SUMF1: variants seen among roughly 807,000 people sequenced by gnomAD.
The protein encoded by SUMF1 is formylglycine-generating enzyme.
Under a neutral mutation model 47.6 loss-of-function variants are expected in SUMF1, and 48 were observed. The observed-to-expected ratio is 1.01, with a 90% CI of 0.80 to 1.28. The LOEUF is 1.28. Among genes scored for constraint, SUMF1 ranks in the 50% most tolerant of loss-of-function variants. The probability of loss-of-function intolerance (pLI) is 0.00; values close to 1 mark genes in which losing one functional copy is unlikely to be tolerated. For synonymous variants in SUMF1, 230 were observed against 192.1 expected, an observed-to-expected ratio of 1.20 and a Z score of -1.63; for missense variants, 571 against 485.4, an observed-to-expected ratio of 1.18 and a Z score of -1.66.
At chr3:4,441,409 A>G (rs1402671841) in intron 3 of SUMF1, among the ~76,000 whole-genome samples, 1 of 152,188 alleles carries the variant, frequency 6.6e-6, no homozygotes, top group Non-Finnish European at 1.5e-5. Context: ...TTGCAATGTA[A>G]TAATAATATA....
intron 8 of SUMF1, among the ~76,000 whole-genome samples, chr3:4,353,629 T>A (rs1699556607): frequency 6.6e-6 from 1 of 152,146 alleles, no homozygotes; most frequent in Non-Finnish European, 1.5e-5. Context: ...TCTAGAAAAC[T>A]CTACTGTATA....
rs186592238 is a variant in SUMF1 at position 4,458,811 on chromosome 3, G to A, written c.271-5762C>T. On this transcript the variant is annotated intron_variant, in intron 1 of 8. Transcript: ENST00000272902. ...GCGGAGCTTGCAGCGAGCCGAGATG[G>A]AGCCACTGCACTCCAGCCTGGGCAA... Among the ~76,000 whole-genome samples the A allele has an allele frequency of 5.5e-3, 834 of 152,234 alleles. 9 individuals carry two copies. The highest frequency in any genetic ancestry group is 0.019 in the African/African-American group (784 of 41,526).
chr3:4,281,156 C>A (rs951280251), intron 8 of SUMF1, among the ~76,000 whole-genome samples: 5 of 152,032 alleles, frequency 3.3e-5, no homozygotes, highest in African/African-American at 1.2e-4. Flanking sequence ...ATAAGAAGAG[C>A]ATGGTGAAGA....
chr3:4,254,702 C>T (rs1157246808), intron 8 of SUMF1, among the ~76,000 whole-genome samples: 1 of 149,682 alleles, frequency 6.7e-6, no homozygotes, highest in South Asian at 2.2e-4. Flanking sequence ...AGGAAATTAT[C>T]CAGGAGAACT....
intron 8 of SUMF1, among the ~76,000 whole-genome samples, chr3:4,348,710 CAA>C (rs776215852): frequency 1.1e-4 from 15 of 132,866 alleles, no homozygotes; most frequent in African/African-American, 2.4e-4. Flanking sequence ...ACTAAAAATA[CAA>C]AAAAAAAAAA....
intron 8 of SUMF1, among the ~76,000 whole-genome samples, chr3:4,246,834 G>C (rs1489087139): frequency 6.6e-6 from 1 of 152,026 alleles, no homozygotes; most frequent in Admixed American, 6.6e-5. Flanking sequence ...ATGAGAATAA[G>C]GGCAAATACA....
intron 8 of SUMF1, among the ~76,000 whole-genome samples, chr3:4,353,657 AAAC>A (rs1311042599): frequency 1.3e-5 from 2 of 152,152 alleles, no homozygotes; most frequent in African/African-American, 4.8e-5. Context: ...ATAATTTAAA[AAAC>A]AAACAACATC....
Position 4,467,068 on chromosome 3 carries a change from C to T in SUMF1, c.178G>A (p.Ala60Thr). 1 of 1,565,290 alleles carries T rather than the reference C, an allele frequency of 6.4e-7. No homozygotes were observed. The highest frequency in any genetic ancestry group is 8.6e-7 in the Non-Finnish European group (1 of 1,156,352). Reference protein sequence around the residue: ...CGCGTPQRPGAHGSSAAAHRY... With the variant: ...CGCGTPQRPGTHGSSAAAHRY... ...TGAGCGGCTGCCGAACTGCCATGGG[C>T]GCCAGGCCGCTGGGGCGTGCCGCAG... The change falls in exon 1 of 9, where the codon GCC becomes ACC. Residue 60 changes from alanine to threonine, a missense_variant. Ala to Thr is a moderately conservative substitution (Grantham distance 58). Transcript: ENST00000272902.
intron 8 of SUMF1, among the ~76,000 whole-genome samples, chr3:4,367,569 T>A (rs942627932): frequency 1.1e-4 from 16 of 151,866 alleles, no homozygotes; most frequent in Non-Finnish European, 2.1e-4. Context: ...GGCATCACAC[T>A]ACCTGACTTC....
rs151229783 is a variant in SUMF1 at position 4,073,931 on chromosome 3, G to A, written c.1015-5186C>T. Among the ~76,000 whole-genome samples the A allele has an allele frequency of 2.9e-3, 446 of 152,198 alleles. 3 individuals carry two copies. The highest frequency in any genetic ancestry group is 0.01 in the African/African-American group (435 of 41,510). ...CACTGTCAATATTAGACAGATCAAGGAGACAGAAAATTAACAAGGATATCC... is the reference window on the plus strand; with the variant it reads ...CACTGTCAATATTAGACAGATCAAGAAGACAGAAAATTAACAAGGATATCC... On this transcript the variant is annotated intron_variant and NMD_transcript_variant, in intron 8 of 12. Coordinates refer to the SUMF1 transcript ENST00000448413.
chr3:4,183,013 T>A (rs1012737284), intron 8 of SUMF1, among the ~76,000 whole-genome samples: 1 of 152,136 alleles, frequency 6.6e-6, no homozygotes. Context: ...GGGTTTAATG[T>A]GTGACCATAT....
chr3:4,452,737 A>T (rs761511636), intron 2 of SUMF1, 139 bp downstream of exon 2: 42 of 1,073,362 alleles, frequency 3.9e-5, no homozygotes, highest in Non-Finnish European at 5.2e-5. Flanking sequence ...AATTAAGATG[A>T]AATATATACA....
At chr3:4,198,237 T>C (rs1695472141) in intron 8 of SUMF1, among the ~76,000 whole-genome samples, 1 of 152,114 alleles carries the variant, frequency 6.6e-6, no homozygotes, top group Non-Finnish European at 1.5e-5. Context: ...TCTCTTGTTA[T>C]ACCTCCTATG....
At chr3:4,392,374 T>C (rs563597738) in intron 7 of SUMF1, among the ~76,000 whole-genome samples, 10 of 152,172 alleles carry the variant, frequency 6.6e-5, no homozygotes, top group African/African-American at 2.4e-4. Flanking sequence ...ATAATAGCTA[T>C]TTTTAAGTCT....
chr3:4,144,878 G>T (rs1480287645), intron 8 of SUMF1, among the ~76,000 whole-genome samples: 1 of 152,112 alleles, frequency 6.6e-6, no homozygotes, highest in Non-Finnish European at 1.5e-5. Context: ...ACAAACCACA[G>T]AATTATTCTT....
intron 3 of SUMF1, among the ~76,000 whole-genome samples, chr3:4,422,488 G>T (rs1378628182): frequency 1.3e-5 from 2 of 148,678 alleles, no homozygotes; most frequent in African/African-American, 5.0e-5. Context: ...CATCATTAGT[G>T]ATTTAAAAAA....
intron 8 of SUMF1, among the ~76,000 whole-genome samples, chr3:4,367,381 G>C (rs13091278): frequency 6.6e-6 from 1 of 152,056 alleles, no homozygotes; most frequent in Admixed American, 6.5e-5. Context: ...CACCCATTTC[G>C]AGCTTCCCAG....
At chr3:4,282,134 C>G (rs1432022686) in intron 8 of SUMF1, among the ~76,000 whole-genome samples, 2 of 152,096 alleles carry the variant, frequency 1.3e-5, no homozygotes, top group African/African-American at 4.8e-5. Context: ...GTTGAAAAGA[C>G]AGTTAAATCC....
intron 8 of SUMF1, among the ~76,000 whole-genome samples, chr3:4,225,489 A>G (rs1696154004): frequency 6.6e-6 from 1 of 152,282 alleles, no homozygotes; most frequent in South Asian, 2.1e-4. Context: ...ATAACCATGC[A>G]CCACAACACA....
Sources: allele counts gnomAD v4.1 joint callset (sites outside exome capture counted in the v4.1 genomes callset), GRCh38; gene constraint gnomAD v4.1.1; transcripts MANE v1.5; gene names NCBI Gene and HGNC (gene_info 2026-07-23, HGNC 2026-07-21).